The following CELF2 variants were observed in gnomAD, a reference collection of about 807,000 sequenced individuals.
The protein encoded by CELF2 is CUGBP Elav-like family member 2.
Under a neutral mutation model 62.6 loss-of-function variants are expected in CELF2, and 8 were observed. The observed-to-expected ratio is 0.13, with a 90% confidence interval of 0.07 to 0.23. The LOEUF (loss-of-function observed/expected upper bound fraction) is 0.23, where lower values mean the gene tolerates loss of function less well. Ranked by LOEUF, CELF2 falls within the 10% of genes least tolerant of loss-of-function variation. The pLI is 1.00. For synonymous variants in CELF2, 258 were observed against 250.0 expected (o/e 1.03, Z -0.30); for missense variants, 333 against 671.0 (o/e 0.50, Z 5.56).
At chr10:10,496,294 T>C in the CELF2 span, among the ~76,000 whole-genome samples, 3 of 152,346 alleles carry the variant, frequency 2.0e-5, no homozygotes, top group African/African-American at 4.8e-5. Flanking sequence ...AGCCTTCTTT[T>C]AGATATCTCT....
rs2050856768 is a variant in CELF2 at position 10,972,502 on chromosome 10, C to T, written c.89+52503C>T. ...ATCTGTCCTTGTAATTCTCCTTTCTCTTGGTATTTCTCAGCTTTCTGCTTT... is the reference window on the plus strand; with the variant it reads ...ATCTGTCCTTGTAATTCTCCTTTCTTTTGGTATTTCTCAGCTTTCTGCTTT... On this transcript the variant is annotated intron_variant, in intron 2 of 13. Coordinates refer to the CELF2 transcript ENST00000636488. The surrounding 1 kb of genome is among the most constrained non-coding windows in gnomAD (Gnocchi z 4.4). 6.6e-6 allele frequency among the ~76,000 whole-genome samples: 1 copy of T among 152,174 alleles called. No individual in the cohort carries two copies. The highest frequency in any genetic ancestry group is 1.5e-5 in the Non-Finnish European group (1 of 68,018).
intron 1 of CELF2, among the ~76,000 whole-genome samples, chr10:10,825,335 A>G (rs1352881240): frequency 6.6e-6 from 1 of 152,070 alleles, no homozygotes; most frequent in Non-Finnish European, 1.5e-5. Flanking sequence ...TCAGCCTCCC[A>G]AGTAGCTGGC....
At chr10:10,720,136 G>A in the CELF2 span, among the ~76,000 whole-genome samples, 1 of 152,132 alleles carries the variant, frequency 6.6e-6, no homozygotes, top group Non-Finnish European at 1.5e-5. Flanking sequence ...GAAGCGCTGG[G>A]GCTCTGCCCT....
rs754472059 is a variant in CELF2 at position 11,258,012 on chromosome 10, C to T, written c.538+140C>T. On this transcript the variant is annotated intron_variant, in intron 5 of 12. Coordinates refer to ENST00000633077, the MANE Select transcript of CELF2 (RefSeq NM_001326342.2). The stretch of plus-strand genomic sequence containing the variant: ...ATGTGATAAAGTTATCCAACCTGAA[C>T]TTTTCACCATAGCTGAAATCATCAC... The T allele has an allele frequency of 1.6e-4, 146 of 939,828 alleles. 1 individual carries two copies. The highest frequency in any genetic ancestry group is 2.0e-4 in the Non-Finnish European group (126 of 639,270). The allele number at this position is 939,828 out of a possible 1,614,324, so 58.2% of individuals were successfully genotyped here. A position where few individuals can be genotyped will look rare whatever the true frequency, so the allele number is the denominator to read the frequency against.
intron 1 of CELF2, among the ~76,000 whole-genome samples, chr10:11,154,557 G>A (rs1022621912): frequency 6.6e-6 from 1 of 152,152 alleles, no homozygotes; most frequent in Non-Finnish European, 1.5e-5. Flanking sequence ...TCAGAGAGGC[G>A]CACGTTTGAA....
chr10:10,971,347 C>T (rs560380919), intron 2 of CELF2, among the ~76,000 whole-genome samples: 32 of 152,296 alleles, frequency 2.1e-4, no homozygotes, highest in African/African-American at 5.8e-4. Flanking sequence ...TGAGCACGTA[C>T]GCTTCCACCT....
rs1565233139 is a variant in CELF2, at chr10:11,197,053, G to GAAAGAAAGAAAGA, written c.272-20365_272-20364insGAAAGAAAAGAAA. ...AGAAAGAAAGAAAGAAAGAAAGAAA[G>GAAAGAAAGAAAGA]AAAGAAAAGAAAGAAAGGAAAGAAA... is the stretch of plus-strand genomic sequence containing the variant. On this transcript the variant is annotated intron_variant, in intron 2 of 12. Transcript: ENST00000633077. Among the ~76,000 whole-genome samples the GAAAGAAAGAAAGA allele has an allele frequency of 5.2e-5, 3 of 57,166 alleles. 1 individual carries two copies. The highest frequency in any genetic ancestry group is 3.0e-4 in the Admixed American group (2 of 6,690). 37.5% of individuals were successfully genotyped at this position (57,166 alleles called of 152,430 possible).
the CELF2 span, among the ~76,000 whole-genome samples, chr10:10,703,973 T>G: frequency 2.0e-5 from 3 of 152,236 alleles, no homozygotes; most frequent in African/African-American, 7.2e-5. Context: ...ATTCCAATAT[T>G]TCTAAATGGC....
In CELF2 at chr10:11,223,379, C is replaced by G. The variant is rs952850089; in HGVS notation, c.354+5872C>G. 2.6e-5 allele frequency among the ~76,000 whole-genome samples: 4 copies of G among 152,226 alleles called. No individual in the cohort carries two copies. Among genetic ancestry groups the G allele is most frequent in the South Asian group, 2.1e-4 (1 of 4,836 alleles). On this transcript the variant is annotated intron_variant, in intron 3 of 12. Transcript: ENST00000633077. This position sits in a 1 kb window ranked among gnomAD's most constrained non-coding sequence, Gnocchi z 5.1. ...GTGTGGAACATACACGTATTCCACACATGTATTCTGCTGCGGAATGTGTCA... is the reference window on the plus strand; with the variant it reads ...GTGTGGAACATACACGTATTCCACAGATGTATTCTGCTGCGGAATGTGTCA...
intron 2 of CELF2, among the ~76,000 whole-genome samples, chr10:10,951,327 G>A (rs2048298553): frequency 6.6e-6 from 1 of 152,058 alleles, no homozygotes; most frequent in African/African-American, 2.4e-5. Flanking sequence ...GTAGAGACAG[G>A]GTTCTTGCCA....
the CELF2 span, among the ~76,000 whole-genome samples, chr10:10,666,952 T>G: frequency 6.6e-6 from 1 of 151,880 alleles, no homozygotes; most frequent in Non-Finnish European, 1.5e-5. Flanking sequence ...TGCACACACA[T>G]TCACACACAC....
chr10:10,977,100 C>T (rs186813180), intron 2 of CELF2, among the ~76,000 whole-genome samples: 177 of 132,366 alleles, frequency 1.3e-3, no homozygotes, highest in Non-Finnish European at 1.1e-3. Flanking sequence ...CAGCTTCCCA[C>T]GGGCAAACAC....
At chr10:10,537,263 A>T in the CELF2 span, among the ~76,000 whole-genome samples, 2 of 152,136 alleles carry the variant, frequency 1.3e-5, no homozygotes, top group Non-Finnish European at 2.9e-5. Context: ...ATGCCAAGAG[A>T]TGGATAAGAG....
At chr10:11,166,810 T>C (rs76914039) in intron 2 of CELF2, among the ~76,000 whole-genome samples, 2,155 of 152,362 alleles carry the variant, frequency 0.014, 47 homozygotes, top group African/African-American at 0.049. Flanking sequence ...GGTGAAATGA[T>C]AGAACTAGGA....
intron 1 of CELF2, among the ~76,000 whole-genome samples, chr10:10,836,968 C>G (rs1214135779): frequency 1.3e-5 from 2 of 152,164 alleles, no homozygotes; most frequent in African/African-American, 4.8e-5. Context: ...CATATGAATA[C>G]ATTGGTCTGG....
At position 11,275,075 on chromosome 10, in the gene CELF2, T is replaced by C; in HGVS notation, c.796T>C (p.Ser266Pro). ...TCCGCAGCTCCTGCAGCAGGCCACC[T>C]CCTCCAGCAACCTGGGTGCGTTCAG... ...QYLALLQQAT[S>P]SSNLGAFSGI... Residue 266 changes from serine to proline, a missense_variant, in exon 8 of 13, where the codon TCC (serine) becomes CCC (proline). Physicochemically the swap from Ser to Pro is moderately conservative, Grantham distance 74. Coordinates refer to ENST00000633077, the MANE Select transcript of CELF2 (RefSeq NM_001326342.2). 1 of 1,614,160 alleles carries C rather than the reference T, an allele frequency of 6.2e-7. No homozygotes were observed. Among genetic ancestry groups the C allele is most frequent in the African/African-American group, 1.3e-5 (1 of 75,048 alleles).
chr10:11,086,155 T>A (rs756242206), intron 1 of CELF2, among the ~76,000 whole-genome samples: 12 of 152,198 alleles, frequency 7.9e-5, no homozygotes, highest in Non-Finnish European at 8.8e-5. Context: ...CCACTGTTTT[T>A]CAATGAACAG....
At chr10:10,676,588 C>A in the CELF2 span, among the ~76,000 whole-genome samples, 2 of 152,308 alleles carry the variant, frequency 1.3e-5, no homozygotes, top group East Asian at 3.9e-4. Flanking sequence ...TCCCCTAGAG[C>A]TTTTGGTTCT....
At chr10:10,764,872 C>T in the CELF2 span, among the ~76,000 whole-genome samples, 17 of 152,172 alleles carry the variant, frequency 1.1e-4, no homozygotes, top group Non-Finnish European at 2.4e-4. Flanking sequence ...ATCTCCACTT[C>T]ACATCTCTGC....
Sources: gnomAD v4.1 joint callset for allele counts (sites outside exome capture counted in the v4.1 genomes callset) on GRCh38, gnomAD v4.1.1 for gene constraint, Gnocchi (gnomAD v3.1) non-coding constraint, MANE v1.5 for transcripts, NCBI Gene and HGNC (gene_info 2026-07-23, HGNC 2026-07-21) for gene names.